NBEA: variants seen among roughly 807,000 people sequenced by gnomAD.
NBEA encodes the protein lysosomal-trafficking regulator 2.
NBEA carries 44 observed loss-of-function variants against 343.4 expected under a neutral mutation model. That is an observed-to-expected ratio of 0.13 (90% CI 0.10 to 0.16). The LOEUF is 0.16. Among genes scored for constraint, NBEA ranks in the 10% least tolerant of loss-of-function variants. The pLI is 1.00. For missense variants in NBEA, 2,555 were observed against 3,631.3 expected (o/e 0.70, Z 7.62); for synonymous variants, 1,175 against 1,238.7 (o/e 0.95, Z 1.08).
intron 1 of NBEA, among the ~76,000 whole-genome samples, chr13:35,017,909 G>A (rs934696374): frequency 2.6e-5 from 4 of 151,982 alleles, no homozygotes; most frequent in Non-Finnish European, 5.9e-5. Flanking sequence ...CCTTATATTT[G>A]CATATGATAT....
chr13:35,628,195 A>G lies in NBEA; in HGVS notation c.7564A>G (p.Thr2522Ala). The G allele has an allele frequency of 6.2e-7, 1 of 1,613,166 alleles. No homozygotes were observed. The highest frequency in any genetic ancestry group is 8.5e-7 in the Non-Finnish European group (1 of 1,179,520). Residue 2522 changes from threonine to alanine, a missense_variant, in exon 49 of 59, where the codon ACT becomes GCT. Thr to Ala is a moderately conservative substitution (Grantham distance 58). This residue lies in a region of NBEA where 87 missense variants were observed against 75.0 expected (regional missense o/e 1.16). Transcript: ENST00000379939. ...TGCTCTGAATGTTTTTCACTACTTG[A>G]CTTATGAAGGCTCTGTGAACCTGGA... Reference protein sequence around the residue: ...VRALNVFHYLTYEGSVNLDSI... With the variant: ...VRALNVFHYLAYEGSVNLDSI...
intron 30 of NBEA, among the ~76,000 whole-genome samples, chr13:35,190,369 G>A (rs1337780599): frequency 2.6e-5 from 4 of 152,138 alleles, no homozygotes; most frequent in Non-Finnish European, 4.4e-5. Context: ...GAAGGCCTCA[G>A]TCTCTCACCT....
intron 38 of NBEA, among the ~76,000 whole-genome samples, chr13:35,376,770 G>GT (rs2041764712): frequency 6.6e-6 from 1 of 152,106 alleles, no homozygotes; most frequent in Admixed American, 6.5e-5. Flanking sequence ...GAGATTTAGA[G>GT]TAGTAGAGTG....
intron 38 of NBEA, among the ~76,000 whole-genome samples, chr13:35,366,199 T>G (rs1002717909): frequency 4.6e-5 from 7 of 151,632 alleles, no homozygotes; most frequent in South Asian, 2.1e-4. Flanking sequence ...TGTGGGTAGA[T>G]CAATAAAACA....
Position 35,583,924 on chromosome 13 carries a change from A to T in NBEA, c.7062A>T (p.Arg2354Ser). The T allele has an allele frequency of 6.2e-7, 1 of 1,613,038 alleles. No individual in the cohort carries two copies. Among genetic ancestry groups the T allele is most frequent in the Admixed American group, 1.7e-5 (1 of 59,882 alleles). The change falls in exon 46 of 59, where the codon AGA (arginine) becomes AGT (serine). Residue 2354 changes from arginine to serine, a missense_variant. Coordinates refer to ENST00000379939, the MANE Select transcript of NBEA (RefSeq NM_001385012.1). ...CAATTGGTGCTTTGAACCCCAAGAG[A>T]GCTGTGTTTTATGCAGAGCGTTATG... The part of the protein sequence containing the change: ...SKPIGALNPK[R>S]AVFYAERYET...
chr13:35,304,331 C>CTGTGTG (rs375468846), intron 35 of NBEA, among the ~76,000 whole-genome samples: 7,341 of 148,886 alleles, frequency 0.049, 203 homozygotes, highest in African/African-American at 0.076. Flanking sequence ...AAGCAATTCT[C>CTGTGTG]TGTGTGTGTG....
intron 48 of NBEA, among the ~76,000 whole-genome samples, chr13:35,613,722 G>T (rs1205509006): frequency 1.3e-5 from 2 of 152,082 alleles, no homozygotes; most frequent in African/African-American, 4.8e-5. Context: ...CCGGGCTCAA[G>T]TGATCCTCCC....
chr13:35,352,455 T>G, intron 38 of NBEA, 132 bp downstream of exon 38: 1 of 545,458 alleles, frequency 1.8e-6, no homozygotes, highest in East Asian at 3.7e-5. Context: ...CTTGAAAATT[T>G]TCCTGAAATC....
intron 35 of NBEA, among the ~76,000 whole-genome samples, chr13:35,290,770 T>A (rs1226580751): frequency 6.6e-6 from 1 of 151,162 alleles, no homozygotes. Flanking sequence ...TTTATAATTT[T>A]TAAATGTATT....
intron 1 of NBEA, among the ~76,000 whole-genome samples, chr13:34,984,038 T>C (rs566319164): frequency 3.3e-5 from 5 of 152,146 alleles, no homozygotes; most frequent in African/African-American, 1.2e-4. Flanking sequence ...TTAGTTTAAT[T>C]GACAAATCCC....
chr13:35,539,915 C>CAAAAAA (rs71081262), intron 41 of NBEA, among the ~76,000 whole-genome samples: 417 of 39,578 alleles, frequency 0.011, 78 homozygotes, highest in Middle Eastern at 0.033. Flanking sequence ...GACTCCGTCT[C>CAAAAAA]AAAAAAAAAA....
intron 53 of NBEA, among the ~76,000 whole-genome samples, chr13:35,652,882 G>A (rs1438156674): frequency 3.3e-5 from 5 of 150,946 alleles, no homozygotes; most frequent in Non-Finnish European, 7.4e-5. Context: ...TTTTAGTGGA[G>A]TCAGGGTTTC....
intron 33 of NBEA, among the ~76,000 whole-genome samples, chr13:35,226,979 A>G (rs569302022): frequency 1.3e-5 from 2 of 152,132 alleles, no homozygotes; most frequent in Non-Finnish European, 1.5e-5. Context: ...CTTTTTACTT[A>G]TAAAAATATT....
chr13:35,534,161 A>G (rs73498908), intron 41 of NBEA, among the ~76,000 whole-genome samples: 3,041 of 152,068 alleles, frequency 0.02, 101 homozygotes, highest in African/African-American at 0.067. Flanking sequence ...TTTTCATAAT[A>G]CTCGTAAATC....
At chr13:35,163,422 G>A (rs1002269185) in intron 23 of NBEA, among the ~76,000 whole-genome samples, 1 of 151,974 alleles carries the variant, frequency 6.6e-6, no homozygotes, top group Admixed American at 6.6e-5. Flanking sequence ...GGGAGGCCAA[G>A]GCGGGAGGAT....
At chr13:35,445,299 T>C (rs1265988220) in intron 39 of NBEA, among the ~76,000 whole-genome samples, 5 of 152,278 alleles carry the variant, frequency 3.3e-5, no homozygotes, top group African/African-American at 1.2e-4. Flanking sequence ...ATACTTTTTA[T>C]CCTCTTGTTT....
intron 47 of NBEA, among the ~76,000 whole-genome samples, chr13:35,602,178 C>CA (rs2082083690): frequency 6.6e-6 from 1 of 152,186 alleles, no homozygotes; most frequent in Admixed American, 6.5e-5. Flanking sequence ...AGTTAAATCT[C>CA]AGAGATGAAA....
intron 1 of NBEA, among the ~76,000 whole-genome samples, chr13:34,972,607 G>T (rs568738938): frequency 6.6e-6 from 1 of 152,214 alleles, no homozygotes; most frequent in South Asian, 2.1e-4. Flanking sequence ...TAGGACCAGG[G>T]TATTCAATTT....
intron 34 of NBEA, among the ~76,000 whole-genome samples, chr13:35,248,892 C>G (rs2031589765): frequency 6.6e-6 from 1 of 152,068 alleles, no homozygotes; most frequent in African/African-American, 2.4e-5. Flanking sequence ...GCTCATGCCT[C>G]TAATCCCAGC....
Sources: gnomAD v4.1 joint callset for allele counts (sites outside exome capture counted in the v4.1 genomes callset) on GRCh38, gnomAD v4.1.1 for gene constraint, gnomAD v4.1.1 regional missense constraint, MANE v1.5 for transcripts, NCBI Gene and HGNC (gene_info 2026-07-23, HGNC 2026-07-21) for gene names.